The following SMIM29 variants were observed in gnomAD, a reference collection of about 807,000 sequenced individuals.
SMIM29 encodes the protein small integral membrane protein 29.
In SMIM29, 4 loss-of-function variants were observed where a neutral mutation model predicts 12.9. The ratio of observed to expected loss-of-function variants is 0.31; its 90% confidence interval spans 0.15 to 0.71. The LOEUF (loss-of-function observed/expected upper bound fraction) is 0.71. Ranked by LOEUF, SMIM29 falls within the 30% of genes least tolerant of loss-of-function variation. The pLI is 0.70. For synonymous variants in SMIM29, 50 were observed against 52.0 expected (o/e 0.96, Z 0.17); for missense variants, 122 against 138.1 (o/e 0.88, Z 0.58).
intron 1 of SMIM29, chr6:34,248,116 C>A (rs767315156): frequency 1.0e-6 from 1 of 985,442 alleles, no homozygotes; most frequent in Non-Finnish European, 1.2e-6. Flanking sequence ...GGGTGGGGCC[C>A]AGCTCAGATG....
At position 34,246,590 on chromosome 6, in the gene SMIM29, G is replaced by A. The variant is rs777592578; in HGVS notation, c.*213C>T. The stretch of plus-strand genomic sequence containing the variant: ...TCTTCCCATGAGTGCCTGTGGGTGG[G>A]CGGTGAGCTCAACACCCACAAAGGG... On this transcript the variant is annotated 3_prime_UTR_variant, in exon 5 of 5. Transcript: ENST00000476320. 4 of 1,610,236 alleles carry A rather than the reference G, an allele frequency of 2.5e-6. No homozygotes were observed. The highest frequency in any genetic ancestry group is 2.5e-6 in the Non-Finnish European group (3 of 1,177,472).
intron 3 of SMIM29, 133 bp from the exon 4 acceptor site, chr6:34,247,282 A>G: frequency 1.3e-6 from 2 of 1,557,788 alleles, no homozygotes; most frequent in South Asian, 1.2e-5. Context: ...TATACCTCCA[A>G]GAATACAACC....
At chr6:34,248,896 G>T in intron 1 of SMIM29, 83 bp downstream of exon 1, 2 of 985,660 alleles carry the variant, frequency 2.0e-6, no homozygotes, top group Non-Finnish European at 2.4e-6. Flanking sequence ...GCCGCCCCGC[G>T]CCCGAACATC....
chr6:34,248,329 A>G, intron 1 of SMIM29: 1 of 985,440 alleles, frequency 1.0e-6, no homozygotes, highest in Non-Finnish European at 1.2e-6. Context: ...ATCCTGGTCC[A>G]ATCCCACTTC....
rs1328981119 is a variant in SMIM29, at chr6:34,247,125, C to G, written c.162G>C (p.Leu54=). 3 of 1,613,974 alleles carry G rather than the reference C, an allele frequency of 1.9e-6. No individual in the cohort carries two copies. In the African/African-American group the frequency reaches 4.0e-5, roughly 22 times the overall value. ...KKRVDRLRHH[L]LPMYSYDPAE... ...CTGGGTCATAGCTGTACATGGGGAG[C>G]AGGTGATGGCGCAGCCGGTCCACCC... Residue 54 remains leucine, a synonymous_variant, in exon 4 of 5, where the codon CTG becomes CTC. Coordinates refer to ENST00000476320, the MANE Select transcript of SMIM29 (RefSeq NM_001008703.4).
rs1581826664 is a variant in SMIM29, at chr6:34,247,769, T to C, written c.23A>G (p.Asn8Ser). 4 of 1,350,616 alleles carry C rather than the reference T, an allele frequency of 3.0e-6. No homozygotes were observed. The highest frequency in any genetic ancestry group is 3.8e-6 in the Non-Finnish European group (4 of 1,057,020). 83.7% of individuals were successfully genotyped at this position (1,350,616 alleles called of 1,614,324 possible). A position where few individuals can be genotyped will look rare whatever the true frequency, so the allele number is the denominator to read the frequency against. The change falls in exon 2 of 5, where the codon AAT becomes AGT. Residue 8 changes from asparagine to serine, a missense_variant. Physicochemically the swap from Asn to Ser is conservative, Grantham distance 46. Coordinates refer to ENST00000476320, the MANE Select transcript of SMIM29 (RefSeq NM_001008703.4). ...GGAGTCGCTGTTGGCCTGGGGGGCATTGGGCACAGTGGTGTTACTCATGAC... is the reference window on the plus strand; with the variant it reads ...GGAGTCGCTGTTGGCCTGGGGGGCACTGGGCACAGTGGTGTTACTCATGAC... MSNTTVP[N>S]APQANSDSMV...
In SMIM29 at chr6:34,246,873, C is replaced by A. The variant is rs752139148; in HGVS notation, c.244-5G>T. ...ACTCTGCCAGCCATGTACCACCTGTCGGGGAGGAGACCACACCACAAGGCT... is the reference window on the plus strand; with the variant it reads ...ACTCTGCCAGCCATGTACCACCTGTAGGGGAGGAGACCACACCACAAGGCT... On this transcript the variant is annotated splice_polypyrimidine_tract_variant and splice_region_variant and intron_variant, in intron 4 of 4. Coordinates refer to ENST00000476320, the MANE Select transcript of SMIM29 (RefSeq NM_001008703.4). 3 of 1,604,500 alleles carry A rather than the reference C, an allele frequency of 1.9e-6. No homozygotes were observed.
intron 1 of SMIM29, chr6:34,248,079 T>C (rs1211025512): frequency 1.0e-6 from 1 of 985,248 alleles, no homozygotes; most frequent in Non-Finnish European, 1.2e-6. Context: ...CAGGGCTGAG[T>C]CTTGCCCAAC....
chr6:34,246,548 A>G lies in SMIM29; in HGVS notation c.*255T>C. Reference sequence around the variant, plus strand: ...GCAAAGGTGTCTACCAGCCGCCCCCATCCCAGAAGGAAAGCCTCTTCCCAT... The same window carrying G: ...GCAAAGGTGTCTACCAGCCGCCCCCGTCCCAGAAGGAAAGCCTCTTCCCAT... On this transcript the variant is annotated 3_prime_UTR_variant, in exon 5 of 5. Coordinates refer to ENST00000476320, the MANE Select transcript of SMIM29 (RefSeq NM_001008703.4). The G allele has an allele frequency of 1.3e-6, 2 of 1,574,700 alleles. No homozygotes were observed. Among genetic ancestry groups the G allele is most frequent in the Non-Finnish European group, 1.7e-6 (2 of 1,156,820 alleles).
intron 1 of SMIM29, 115 bp downstream of exon 1, chr6:34,248,861 TGGG>T: frequency 1.0e-6 from 1 of 985,146 alleles, no homozygotes; most frequent in Non-Finnish European, 1.2e-6. Flanking sequence ...AGGCCGGAGG[TGGG>T]GGTGTTGGGG....
At position 34,246,758 on chromosome 6, in the gene SMIM29, C is replaced by G; in HGVS notation, c.*45G>C. The G allele has an allele frequency of 6.2e-7, 1 of 1,613,508 alleles. No homozygotes were observed. The highest frequency in any genetic ancestry group is 8.5e-7 in the Non-Finnish European group (1 of 1,179,952). On this transcript the variant is annotated 3_prime_UTR_variant, in exon 5 of 5. Transcript: ENST00000476320. The stretch of plus-strand genomic sequence containing the variant: ...GGGAAGCAGATGGCAGGGCCCCAGG[C>G]AGTCCAGGACCCCAGGCTCTGAAGG...
In SMIM29 at chr6:34,246,582, G is replaced by A; in HGVS notation, c.*221C>T. 1 of 1,608,110 alleles carries A rather than the reference G, an allele frequency of 6.2e-7. No homozygotes were observed. The highest frequency in any genetic ancestry group is 1.7e-5 in the Admixed American group (1 of 59,806). On this transcript the variant is annotated 3_prime_UTR_variant, in exon 5 of 5. Coordinates refer to ENST00000476320, the MANE Select transcript of SMIM29 (RefSeq NM_001008703.4). ...GGAAAGCCTCTTCCCATGAGTGCCT[G>A]TGGGTGGGCGGTGAGCTCAACACCC... is the stretch of plus-strand genomic sequence containing the variant.
chr6:34,246,664 T>G lies in SMIM29; in HGVS notation c.*139A>C. ...TGATGGTGAGGGCATGGGAAGCAGATGCTGCTGAGGGTGGGTGGAGGGAGA... is the reference window on the plus strand; with the variant it reads ...TGATGGTGAGGGCATGGGAAGCAGAGGCTGCTGAGGGTGGGTGGAGGGAGA... On this transcript the variant is annotated 3_prime_UTR_variant, in exon 5 of 5. Transcript: ENST00000476320. 6.2e-7 allele frequency: 1 copy of G among 1,613,826 alleles called. No homozygotes were observed. Among genetic ancestry groups the G allele is most frequent in the Non-Finnish European group, 8.5e-7 (1 of 1,179,934 alleles).
rs773392301 is a variant in SMIM29, at chr6:34,247,076, G to C, written c.211C>G (p.Gln71Glu). Reference protein sequence around the residue: ...DPAEELHEAEQELLSDMGDPK... With the variant: ...DPAEELHEAEEELLSDMGDPK... ...TCTCCCATGTCAGAGAGCAGCTCCT[G>C]CTCAGCCTCATGCAGTTCCTCAGCT... The change falls in exon 4 of 5, where the codon CAG becomes GAG. Residue 71 changes from glutamine (Q) to glutamate (E), a missense_variant. Gln to Glu is a conservative substitution (Grantham distance 29). Coordinates refer to ENST00000476320, the MANE Select transcript of SMIM29 (RefSeq NM_001008703.4). The C allele has an allele frequency of 1.2e-6, 2 of 1,614,006 alleles. No homozygotes were observed. The highest frequency in any genetic ancestry group is 2.7e-5 in the African/African-American group (2 of 74,924).
rs1199988625 is a variant in SMIM29, at chr6:34,247,756, G to A, written c.36C>T (p.Ala12=). ...SNTTVPNAPQ[A]NSDSMVGYVL... ...CATAGCCCACCATGGAGTCGCTGTT[G>A]GCCTGGGGGGCATTGGGCACAGTGG... The change falls in exon 2 of 5, where the codon GCC becomes GCT. Residue 12 remains alanine, a synonymous_variant. Coordinates refer to ENST00000476320, the MANE Select transcript of SMIM29 (RefSeq NM_001008703.4). 2.2e-6 allele frequency: 3 copies of A among 1,356,372 alleles called. No individual in the cohort carries two copies. The Admixed American group carries it at 1.1e-4, about 48-fold the overall frequency. The allele number at this position is 1,356,372 out of a possible 1,614,324, so 84.0% of individuals were successfully genotyped here.
chr6:34,247,187 C>G (rs769437098), intron 3 of SMIM29, 38 bp from the exon 4 acceptor site: 9 of 1,604,776 alleles, frequency 5.6e-6, no homozygotes, highest in Non-Finnish European at 6.8e-6. Flanking sequence ...AGGAGGTCCC[C>G]CCAACCCTCA....
At position 34,246,768 on chromosome 6, in the gene SMIM29, C is replaced by A; in HGVS notation, c.*35G>T. On this transcript the variant is annotated 3_prime_UTR_variant, in exon 5 of 5. Transcript: ENST00000476320. ...TGGCAGGGCCCCAGGCAGTCCAGGA[C>A]CCCAGGCTCTGAAGGGTGGGGCAAG... 1 of 1,613,458 alleles carries A rather than the reference C, an allele frequency of 6.2e-7. No homozygotes were observed. Among genetic ancestry groups the A allele is most frequent in the Non-Finnish European group, 8.5e-7 (1 of 1,180,012 alleles).
chr6:34,247,598 A>G (rs542541446), intron 2 of SMIM29, 83 bp downstream of exon 2: 2 of 1,487,460 alleles, frequency 1.3e-6, no homozygotes, highest in South Asian at 2.6e-5. Flanking sequence ...GACAGTGGGG[A>G]CTCTGTGCAG....
chr6:34,246,446 G>A lies in SMIM29; in HGVS notation c.*357C>T, dbSNP rs951449864. ...ATATATACTGAATACTATACATCTG[G>A]CCCCATCACCATGGAAACAACTCCA... On this transcript the variant is annotated 3_prime_UTR_variant, in exon 5 of 5. Coordinates refer to ENST00000476320, the MANE Select transcript of SMIM29 (RefSeq NM_001008703.4). 8 of 1,472,430 alleles carry A rather than the reference G, an allele frequency of 5.4e-6. No individual in the cohort carries two copies. The African/African-American group carries it at 1.1e-4, about 21-fold the overall frequency. 91.2% of individuals were successfully genotyped at this position (1,472,430 alleles called of 1,614,324 possible). A position where few individuals can be genotyped will look rare whatever the true frequency, so the allele number is the denominator to read the frequency against.
Sources: allele counts gnomAD v4.1 joint callset, GRCh38; gene constraint gnomAD v4.1.1; transcripts MANE v1.5; gene names NCBI Gene and HGNC (gene_info 2026-07-23, HGNC 2026-07-21).